The following GATAD1 variants were observed in gnomAD, a reference collection of about 807,000 sequenced individuals.
GATAD1 encodes GATA zinc finger domain containing 1.
A neutral mutation model predicts 26.5 loss-of-function variants in GATAD1; 12 were observed. The observed-to-expected ratio is 0.45, with a 90% CI of 0.29 to 0.73. The LOEUF (loss-of-function observed/expected upper bound fraction) is 0.73, where lower values mean the gene tolerates loss of function less well. GATAD1 is among the 30% of genes least tolerant of loss of function. The probability of loss-of-function intolerance (pLI) is 0.10; values close to 1 mark genes in which losing one functional copy is unlikely to be tolerated. For synonymous variants in GATAD1, 129 were observed against 133.1 expected (o/e 0.97, Z 0.21); for missense variants, 266 against 342.1 (o/e 0.78, Z 1.75).
chr7:92,461,784 C>T (rs1489188508), downstream of GATAD1, among the ~76,000 whole-genome samples: 1 of 152,076 alleles, frequency 6.6e-6, no homozygotes, highest in Non-Finnish European at 1.5e-5. Context: ...GCAAATGGTC[C>T]GTGACAGAAA....
At chr7:92,489,270 C>T in the GATAD1 span, 1 of 1,606,978 alleles carries the variant, frequency 6.2e-7, no homozygotes, top group Non-Finnish European at 8.5e-7. Context: ...AGCTGTACTT[C>T]CAAAACAGAA....
the GATAD1 span, among the ~76,000 whole-genome samples, chr7:92,466,109 CTG>C: frequency 6.6e-6 from 1 of 152,188 alleles, no homozygotes; most frequent in African/African-American, 2.4e-5. Context: ...TACAAAAAGA[CTG>C]TTATACCTTA....
At chr7:92,479,545 C>T in the GATAD1 span, among the ~76,000 whole-genome samples, 1 of 152,176 alleles carries the variant, frequency 6.6e-6, no homozygotes, top group Non-Finnish European at 1.5e-5. Context: ...TGTATATGTG[C>T]AGGTCACAGG....
the GATAD1 span, among the ~76,000 whole-genome samples, chr7:92,479,586 C>T: frequency 1.3e-4 from 20 of 152,274 alleles, no homozygotes; most frequent in African/African-American, 4.6e-4. Flanking sequence ...AGAGGCCTGA[C>T]ATTGCTGTCT....
chr7:92,471,354 T>A, the GATAD1 span: 1 of 154,118 alleles, frequency 6.5e-6, no homozygotes, highest in African/African-American at 2.4e-5. Context: ...TGCTTGATAG[T>A]TTTGAAAAGG....
chr7:92,453,457 T>G (rs1789527657), intron 3 of GATAD1, among the ~76,000 whole-genome samples: 1 of 152,142 alleles, frequency 6.6e-6, no homozygotes, highest in South Asian at 2.1e-4. Context: ...ATGTACACAT[T>G]AGTTAGTTGG....
At chr7:92,486,378 T>C in the GATAD1 span, among the ~76,000 whole-genome samples, 2 of 152,206 alleles carry the variant, frequency 1.3e-5, no homozygotes, top group African/African-American at 2.4e-5. Flanking sequence ...GGTTTTTACA[T>C]TGTTTGTTAG....
the GATAD1 span, among the ~76,000 whole-genome samples, chr7:92,475,750 CA>C: frequency 6.6e-6 from 1 of 152,206 alleles, no homozygotes; most frequent in African/African-American, 2.4e-5. Context: ...CCTTTGCGCT[CA>C]GGGGTGAGTC....
the GATAD1 span, chr7:92,490,250 A>G: frequency 7.0e-6 from 2 of 287,294 alleles, no homozygotes; most frequent in East Asian, 9.3e-5. Context: ...ACATTTCTAA[A>G]TAGAATAAAT....
At position 92,459,648 on chromosome 7, in the gene GATAD1, C is replaced by G. The variant is rs1789843013; in HGVS notation, c.*3086C>G. ...TTCGGATTCTTTCTTTGAGAACTTT[C>G]CAGATTCCCATGCCTTTTTGGAATC... is the stretch of plus-strand genomic sequence containing the variant. On this transcript the variant is annotated 3_prime_UTR_variant, in exon 5 of 5. Coordinates refer to ENST00000287957, the MANE Select transcript of GATAD1 (RefSeq NM_021167.5). Among the ~76,000 whole-genome samples, 1 of 152,326 alleles carries G rather than the reference C, an allele frequency of 6.6e-6. No homozygotes were observed. Among genetic ancestry groups the G allele is most frequent in the Middle Eastern group, 3.4e-3 (1 of 294 alleles).
the GATAD1 span, chr7:92,491,341 G>A: frequency 3.1e-6 from 5 of 1,613,842 alleles, no homozygotes; most frequent in Non-Finnish European, 4.2e-6. Flanking sequence ...GGTACATATT[G>A]AATTTTGATT....
At chr7:92,448,934 C>T in intron 2 of GATAD1, 57 bp downstream of exon 2, 1 of 1,530,078 alleles carries the variant, frequency 6.5e-7, no homozygotes, top group Non-Finnish European at 9.1e-7. Flanking sequence ...TATCCTGCCA[C>T]TGCCTTCATT....
chr7:92,493,442 TG>T, the GATAD1 span: 1 of 174,606 alleles, frequency 5.7e-6, no homozygotes, highest in East Asian at 1.6e-4. Flanking sequence ...CAAGAAAGCC[TG>T]GGCAACACAG....
rs1789733652 is a variant in GATAD1 at position 92,457,568 on chromosome 7, C to G, written c.*1006C>G. 1 of 152,120 alleles carries G rather than the reference C, an allele frequency of 6.6e-6. No homozygotes were observed. Among genetic ancestry groups the G allele is most frequent in the Non-Finnish European group, 1.5e-5 (1 of 68,016 alleles). The allele number at this position is 152,120 out of a possible 1,614,324, so 9.4% of individuals were successfully genotyped here. A position where few individuals can be genotyped will look rare whatever the true frequency, so the allele number is the denominator to read the frequency against. On this transcript the variant is annotated 3_prime_UTR_variant, in exon 5 of 5. Coordinates refer to ENST00000287957, the MANE Select transcript of GATAD1 (RefSeq NM_021167.5). ...TCTTCCTAGGCAAAAGCTGTAATTT[C>G]CAGAGAGACCATTAGGAACAGGTAG...
the GATAD1 span, among the ~76,000 whole-genome samples, chr7:92,476,225 G>C: frequency 6.6e-6 from 1 of 152,214 alleles, no homozygotes; most frequent in Non-Finnish European, 1.5e-5. Flanking sequence ...TAAGATTTTT[G>C]AGTTAGTAAG....
chr7:92,453,738 C>T (rs536625926), intron 3 of GATAD1, among the ~76,000 whole-genome samples: 1 of 152,186 alleles, frequency 6.6e-6, no homozygotes, highest in East Asian at 1.9e-4. Context: ...TGCATTCTTA[C>T]CAAATCAGCA....
At chr7:92,476,789 G>A in the GATAD1 span, among the ~76,000 whole-genome samples, 1 of 152,202 alleles carries the variant, frequency 6.6e-6, no homozygotes, top group African/African-American at 2.4e-5. Context: ...CATGTCAAGA[G>A]CTGTATGCCT....
chr7:92,448,142 T>G (rs1337077919), intron 1 of GATAD1, among the ~76,000 whole-genome samples, 164 bp downstream of exon 1: 1 of 152,180 alleles, frequency 6.6e-6, no homozygotes, highest in African/African-American at 2.4e-5. Flanking sequence ...TTTGGCCCAT[T>G]CCGAAGCACC....
the GATAD1 span, chr7:92,489,200 T>G: frequency 8.6e-7 from 1 of 1,162,524 alleles, no homozygotes; most frequent in Non-Finnish European, 1.3e-6. Context: ...ATTCAAAATA[T>G]TTTTATTTTA....
Sources: allele counts gnomAD v4.1 joint callset (sites outside exome capture counted in the v4.1 genomes callset), GRCh38; gene constraint gnomAD v4.1.1; transcripts MANE v1.5; gene names NCBI Gene and HGNC (gene_info 2026-07-23, HGNC 2026-07-21).